Variants in GNAO1 observed in about 807,000 individuals in gnomAD.
The protein encoded by GNAO1 is G protein subunit alpha o1, also known as guanine nucleotide-binding protein G(o) subunit alpha.
For missense variants in GNAO1, 166 were observed against 478.7 expected (o/e 0.35, Z 6.10); for synonymous variants, 164 against 180.7 (o/e 0.91, Z 0.74).
rs2037743524 is a variant in GNAO1 at position 56,336,732 on chromosome 16, C to G, written c.595C>G (p.Leu199Val). The change falls in exon 6 of 9, where the codon CTG (leucine) becomes GTG (valine). Residue 199 changes from leucine to valine, a missense_variant and splice_region_variant. Coordinates refer to ENST00000262493, the MANE Select transcript of GNAO1 (RefSeq NM_020988.3). ...HFTFKNLHFR[L>V]FDVGGQRSER... is the part of the protein sequence containing the mutation. ...CTACCAGCTCCCTGCCTCCTACAGG[C>G]TGTTTGACGTCGGAGGCCAGCGATC... 1 of 1,609,698 alleles carries G rather than the reference C, an allele frequency of 6.2e-7. No individual in the cohort carries two copies. Among genetic ancestry groups the G allele is most frequent in the Non-Finnish European group, 8.5e-7 (1 of 1,178,536 alleles).
At chr16:56,274,916 C>T (rs533284144) in intron 2 of GNAO1, among the ~76,000 whole-genome samples, 1 of 152,166 alleles carries the variant, frequency 6.6e-6, no homozygotes, top group East Asian at 1.9e-4. Context: ...TATATATGAA[C>T]TATATCTCAA....
At chr16:56,224,862 G>C (rs2036520863) in intron 2 of GNAO1, among the ~76,000 whole-genome samples, 1 of 152,188 alleles carries the variant, frequency 6.6e-6, no homozygotes. Context: ...TAGCCCATCT[G>C]GACACTTATA....
At chr16:56,328,223 G>A (rs1359392093) in intron 3 of GNAO1, among the ~76,000 whole-genome samples, 3 of 152,128 alleles carry the variant, frequency 2.0e-5, no homozygotes, top group African/African-American at 7.2e-5. Context: ...TTTCTCCCCC[G>A]AACAAAATAA....
At chr16:56,209,673 C>T (rs1340716356) in intron 2 of GNAO1, among the ~76,000 whole-genome samples, 1 of 152,068 alleles carries the variant, frequency 6.6e-6, no homozygotes, top group Non-Finnish European at 1.5e-5. Context: ...ATGAAGAGCT[C>T]ATGTACTTTT....
chr16:56,291,517 C>A (rs554282640), intron 3 of GNAO1, among the ~76,000 whole-genome samples: 1 of 152,096 alleles, frequency 6.6e-6, no homozygotes, highest in Non-Finnish European at 1.5e-5. Flanking sequence ...ATTAGATATG[C>A]GATTTGCAAA....
At chr16:56,240,741 C>T (rs1464465912) in intron 2 of GNAO1, among the ~76,000 whole-genome samples, 1 of 152,140 alleles carries the variant, frequency 6.6e-6, no homozygotes, top group Non-Finnish European at 1.5e-5. Context: ...CAGGGTGCCT[C>T]ATAGCTGGGC....
At chr16:56,319,597 G>A (rs1319688552) in intron 3 of GNAO1, among the ~76,000 whole-genome samples, 2 of 152,156 alleles carry the variant, frequency 1.3e-5, no homozygotes, top group Non-Finnish European at 2.9e-5. Flanking sequence ...TCACCAGGGT[G>A]CTGCTTCCCC....
chr16:56,236,630 C>G (rs2036639400), intron 2 of GNAO1, among the ~76,000 whole-genome samples: 1 of 152,186 alleles, frequency 6.6e-6, no homozygotes, highest in Admixed American at 6.5e-5. Flanking sequence ...TATGTTACTT[C>G]TTTCCTAGAG....
intron 2 of GNAO1, among the ~76,000 whole-genome samples, chr16:56,218,533 G>A (rs1457830255): frequency 6.6e-6 from 1 of 152,150 alleles, no homozygotes; most frequent in Non-Finnish European, 1.5e-5. Flanking sequence ...TACTTGGCTC[G>A]GTGGGCCACC....
chr16:56,279,454 T>C (rs2037094604), intron 3 of GNAO1, among the ~76,000 whole-genome samples: 1 of 152,148 alleles, frequency 6.6e-6, no homozygotes, highest in Non-Finnish European at 1.5e-5. Flanking sequence ...TACAGACCTC[T>C]CCCAGGGGCC....
chr16:56,246,423 C>A (rs2036744722), intron 2 of GNAO1, among the ~76,000 whole-genome samples: 1 of 152,194 alleles, frequency 6.6e-6, no homozygotes. Flanking sequence ...GAGTCCCGTT[C>A]ACAGAAACAC....
rs114934182 is a variant in GNAO1, at chr16:56,321,776, G to A, written c.304-6855G>A. Among the ~76,000 whole-genome samples, 1,229 of 152,310 alleles carry A rather than the reference G, an allele frequency of 8.1e-3. 21 individuals are homozygous for A. The highest frequency in any genetic ancestry group is 0.028 in the African/African-American group (1,154 of 41,558). ...AGGCCTTCACTGCCACCTGGTAGCG[G>A]TCACTGCTGTCTCTCCTGCAGAACT... On this transcript the variant is annotated intron_variant, in intron 3 of 8. Transcript: ENST00000262493.
chr16:56,272,047 A>G (rs945975464), intron 2 of GNAO1, among the ~76,000 whole-genome samples: 1 of 152,254 alleles, frequency 6.6e-6, no homozygotes, highest in African/African-American at 2.4e-5. Context: ...GCATTTAAAA[A>G]AGCCAGAGGG....
chr16:56,283,397 C>T (rs2037132969), intron 3 of GNAO1, among the ~76,000 whole-genome samples: 1 of 152,118 alleles, frequency 6.6e-6, no homozygotes, highest in Non-Finnish European at 1.5e-5. Context: ...GAGCTGTATC[C>T]CCTAGAGATA....
chr16:56,307,135 A>T (rs2037404790), intron 3 of GNAO1: 1 of 152,240 alleles, frequency 6.6e-6, no homozygotes, highest in Non-Finnish European at 1.5e-5. Context: ...CTACAGAAAC[A>T]GGCCTGGTTC....
At position 56,193,159 on chromosome 16, in the gene GNAO1, G is replaced by A. The variant is rs568208882; in HGVS notation, c.161+543G>A. The stretch of plus-strand genomic sequence containing the variant: ...CAAGTGTCTGCTGTTCATGCGTTTG[G>A]TGCTGAATTGGAGGCTGTGGTTTCT... On this transcript the variant is annotated intron_variant, in intron 2 of 8. Transcript: ENST00000262493. 1.9e-5 allele frequency: 3 copies of A among 154,468 alleles called. No homozygotes were observed. In the South Asian group the frequency reaches 6.1e-4, roughly 31 times the overall value. The allele number at this position is 154,468 out of a possible 1,614,324, so 9.6% of individuals were successfully genotyped here.
intron 3 of GNAO1, among the ~76,000 whole-genome samples, chr16:56,314,124 C>T (rs2037485482): frequency 6.6e-6 from 1 of 152,228 alleles, no homozygotes; most frequent in South Asian, 2.1e-4. Context: ...ATATCAAAAA[C>T]TCACATTTGT....
At chr16:56,284,244 G>A (rs2037142692) in intron 3 of GNAO1, among the ~76,000 whole-genome samples, 1 of 152,212 alleles carries the variant, frequency 6.6e-6, no homozygotes, top group South Asian at 2.1e-4. Context: ...GAATGAGAAG[G>A]TAAACGCCTT....
intron 4 of GNAO1, among the ~76,000 whole-genome samples, chr16:56,329,795 C>T (rs1243421496): frequency 6.6e-6 from 1 of 152,000 alleles, no homozygotes; most frequent in Non-Finnish European, 1.5e-5. Flanking sequence ...GGCCTTTTTG[C>T]CTCCAGGGGA....
Sources: gnomAD v4.1 joint callset for allele counts (sites outside exome capture counted in the v4.1 genomes callset) on GRCh38, gnomAD v4.1.1 for gene constraint, MANE v1.5 for transcripts, NCBI Gene and HGNC (gene_info 2026-07-23, HGNC 2026-07-21) for gene names.